The following EIF4E2 variants were observed in gnomAD, a reference collection of about 807,000 sequenced individuals.
EIF4E2 encodes the protein eukaryotic translation initiation factor 4E type 2.
In EIF4E2, 13 loss-of-function variants were observed where a neutral mutation model predicts 34.2. The ratio of observed to expected loss-of-function variants is 0.38; its 90% CI spans 0.25 to 0.60. EIF4E2 has a LOEUF of 0.60. Ranked by LOEUF, EIF4E2 falls within the 20% of genes least tolerant of loss-of-function variation. The pLI is 0.62. For missense variants in EIF4E2, 222 were observed against 315.1 expected (o/e 0.70, Z 2.24); for synonymous variants, 100 against 106.6 (o/e 0.94, Z 0.38).
chr2:232,574,198 G>A (rs1364799219), downstream of EIF4E2: 38 of 1,481,074 alleles, frequency 2.6e-5, no homozygotes, highest in Non-Finnish European at 3.3e-5. Flanking sequence ...TATTGTGTCT[G>A]CTCTCTGTGT....
At chr2:232,571,232 A>AG (rs148603544), downstream of EIF4E2, among the ~76,000 whole-genome samples, 540 of 152,308 alleles carry the variant, frequency 3.5e-3, no homozygotes, top group African/African-American at 0.012. Flanking sequence ...GCGGGTGATG[A>AG]GCTGCTGTGC....
At chr2:232,568,422 G>T in intron 6 of EIF4E2, 1 of 985,250 alleles carries the variant, frequency 1.0e-6, no homozygotes, top group South Asian at 4.7e-5. Context: ...GCTTGCCTTA[G>T]CAGTCCTGTG....
chr2:232,567,065 G>T lies in EIF4E2; in HGVS notation c.529-13G>T, dbSNP rs759080363. On this transcript the variant is annotated splice_polypyrimidine_tract_variant and intron_variant, in intron 5 of 6. Transcript: ENST00000258416. ...CTGATTTGCTTTGATGATTCCTTCT[G>T]TTCCTCTGGTAGGAAGACATTATTT... is the stretch of plus-strand genomic sequence containing the variant. The T allele has an allele frequency of 1.2e-6, 2 of 1,611,720 alleles. No homozygotes were observed. Among genetic ancestry groups the T allele is most frequent in the Non-Finnish European group, 1.7e-6 (2 of 1,178,802 alleles).
chr2:232,583,437 G>A (rs1693407525), exon 7 of EIF4E2: 1 of 98,480 alleles, frequency 1.0e-5, no homozygotes, highest in Admixed American at 1.0e-4. Context: ...GTTCGTGTGT[G>A]TGTGTGTGTG....
At chr2:232,565,795 G>C (rs1574669255) in intron 4 of EIF4E2, among the ~76,000 whole-genome samples, 2 of 152,094 alleles carry the variant, frequency 1.3e-5, no homozygotes, top group East Asian at 3.9e-4. Context: ...CTGGATCTGA[G>C]TAGAGATTGG....
Position 232,564,370 on chromosome 2 carries a change from T to G in EIF4E2, c.375+19T>G. On this transcript the variant is annotated intron_variant, in intron 4 of 6. Transcript: ENST00000258416. ...GTGGGAGGTAAGGACTAATGGCTTC[T>G]GACTGCTTTTTTGAGCAAGTTTGGG... 10 of 1,508,226 alleles carry G rather than the reference T, an allele frequency of 6.6e-6. No individual in the cohort carries two copies. The highest frequency in any genetic ancestry group is 9.0e-6 in the Non-Finnish European group (10 of 1,108,592). The allele number at this position is 1,508,226 out of a possible 1,614,324, so 93.4% of individuals were successfully genotyped here.
At chr2:232,558,227 G>A (rs1209008574) in intron 3 of EIF4E2, 1 of 535,850 alleles carries the variant, frequency 1.9e-6, no homozygotes, top group African/African-American at 1.9e-5. Context: ...TATGAGAATT[G>A]TAGAGTTGAT....
chr2:232,565,162 T>A (rs1692877118), intron 4 of EIF4E2, among the ~76,000 whole-genome samples: 2 of 152,202 alleles, frequency 1.3e-5, no homozygotes, highest in African/African-American at 4.8e-5. Flanking sequence ...CTTATACAGC[T>A]CCTCATTGCT....
chr2:232,568,779 G>A, intron 6 of EIF4E2, 166 bp from the exon 7 acceptor site: 7 of 985,432 alleles, frequency 7.1e-6, no homozygotes, highest in Non-Finnish European at 8.4e-6. Context: ...CTGCTAGAAA[G>A]ACTGGCCTGC....
At chr2:232,573,747 T>TC, downstream of EIF4E2, 5 of 272,608 alleles carry the variant, frequency 1.8e-5, no homozygotes, top group Non-Finnish European at 3.6e-5. Flanking sequence ...TGTAGAAGGG[T>TC]TAGAAGGTCG....
chr2:232,564,764 T>C (rs1344516661), intron 4 of EIF4E2, among the ~76,000 whole-genome samples: 2 of 152,222 alleles, frequency 1.3e-5, no homozygotes, highest in Non-Finnish European at 2.9e-5. Context: ...TAAAAGTGTT[T>C]TAAAGTCTCT....
chr2:232,574,186 G>C, downstream of EIF4E2: 1 of 1,417,360 alleles, frequency 7.1e-7, no homozygotes, highest in Non-Finnish European at 9.8e-7. Flanking sequence ...GGGATGTGGG[G>C]TTATTGTGTC....
At chr2:232,565,378 A>G (rs1459840644) in intron 4 of EIF4E2, among the ~76,000 whole-genome samples, 15 of 152,144 alleles carry the variant, frequency 9.9e-5, no homozygotes, top group Admixed American at 9.2e-4. Flanking sequence ...CCATGCCTGT[A>G]ATCCCAGCAC....
At chr2:232,565,647 A>G (rs1412992713) in intron 4 of EIF4E2, among the ~76,000 whole-genome samples, 1 of 150,940 alleles carries the variant, frequency 6.6e-6, no homozygotes, top group East Asian at 1.9e-4. Flanking sequence ...AAAAGAAAAG[A>G]AAAAAAAAGA....
At chr2:232,571,803 G>A (rs1693098184), downstream of EIF4E2, among the ~76,000 whole-genome samples, 1 of 152,192 alleles carries the variant, frequency 6.6e-6, no homozygotes, top group Non-Finnish European at 1.5e-5. Context: ...GGTTACCCCA[G>A]CTTAATTGCT....
At chr2:232,568,585 C>T in intron 6 of EIF4E2, 1 of 985,458 alleles carries the variant, frequency 1.0e-6, no homozygotes, top group Non-Finnish European at 1.2e-6. Context: ...CCCCTACTCC[C>T]ACTTACCCCC....
rs1692922244 is a variant in EIF4E2, at chr2:232,566,127, A to G, written c.376-702A>G. On this transcript the variant is annotated intron_variant, in intron 4 of 6. Transcript: ENST00000258416. The surrounding 1 kb of genome is among the most constrained non-coding windows in gnomAD (Gnocchi z 4.9). ...AAAAAAAAAACTAGATTGGGGCTTCATGTCTGTGTACTTGGTATGTAGTGA... is the reference window on the plus strand; with the variant it reads ...AAAAAAAAAACTAGATTGGGGCTTCGTGTCTGTGTACTTGGTATGTAGTGA... 6.6e-6 allele frequency among the ~76,000 whole-genome samples: 1 copy of G among 151,308 alleles called. No individual in the cohort carries two copies. The highest frequency in any genetic ancestry group is 2.1e-4 in the South Asian group (1 of 4,790).
chr2:232,551,756 G>A (rs192038629), intron 1 of EIF4E2, among the ~76,000 whole-genome samples: 67 of 152,342 alleles, frequency 4.4e-4, no homozygotes, highest in African/African-American at 1.6e-3. Context: ...TTTAGGTTGT[G>A]ACCTGGTGCT....
chr2:232,566,673 C>T lies in EIF4E2; in HGVS notation c.376-156C>T, dbSNP rs923154362. The stretch of plus-strand genomic sequence containing the variant: ...TTTTCTTTTTTTCCCCATTTCTTCT[C>T]TCCCTAGTCCTACCATCAGTTTTTC... On this transcript the variant is annotated intron_variant, in intron 4 of 6. Coordinates refer to ENST00000258416, the MANE Select transcript of EIF4E2 (RefSeq NM_004846.4). This position sits in a 1 kb window ranked among gnomAD's most constrained non-coding sequence, Gnocchi z 4.9. Among the ~76,000 whole-genome samples, 5 of 152,196 alleles carry T rather than the reference C, an allele frequency of 3.3e-5. No individual in the cohort carries two copies. The highest frequency in any genetic ancestry group is 1.2e-4 in the African/African-American group (5 of 41,440).
Sources: allele counts gnomAD v4.1 joint callset (sites outside exome capture counted in the v4.1 genomes callset), GRCh38; gene constraint gnomAD v4.1.1; non-coding constraint Gnocchi (gnomAD v3.1); transcripts MANE v1.5; gene names NCBI Gene and HGNC (gene_info 2026-07-23, HGNC 2026-07-21).